VPS35L: variants seen among roughly 807,000 people sequenced by gnomAD.
The protein encoded by VPS35L is VPS35 endosomal protein-sorting factor-like.
A neutral mutation model predicts 133.0 loss-of-function variants in VPS35L; 83 were observed. The observed-to-expected ratio is 0.62, with a 90% CI of 0.52 to 0.75. The LOEUF is 0.75. VPS35L is among the 30% of genes least tolerant of loss of function. VPS35L has a pLI of 0.00. For missense variants in VPS35L, 1,083 were observed against 1,206.8 expected (o/e 0.90, Z 1.52); for synonymous variants, 423 against 449.9 (o/e 0.94, Z 0.76).
chr16:19,621,363 C>T (rs1172738845), intron 14 of VPS35L, among the ~76,000 whole-genome samples: 1 of 152,088 alleles, frequency 6.6e-6, no homozygotes, highest in Non-Finnish European at 1.5e-5. Context: ...TGATGCATGT[C>T]GATGTTGTTG....
rs866211148 is a variant in VPS35L at position 19,602,954 on chromosome 16, G to A, written c.784+1231G>A. Among the ~76,000 whole-genome samples, 10 of 151,056 alleles carry A rather than the reference G, an allele frequency of 6.6e-5. No individual in the cohort carries two copies. The Middle Eastern group carries it at 0.02, about 308-fold the overall frequency. On this transcript the variant is annotated intron_variant, in intron 9 of 30. Transcript: ENST00000417362. ...TTTACTTTTTCATCTTTGTAGACACGGGGTCTCCCTATGTTGCCCAAGCTG... is the reference window on the plus strand; with the variant it reads ...TTTACTTTTTCATCTTTGTAGACACAGGGTCTCCCTATGTTGCCCAAGCTG...
intron 3 of VPS35L, 78 bp from the exon 4 acceptor site, chr16:19,573,041 T>A (rs1027190422): frequency 6.9e-7 from 1 of 1,454,930 alleles, no homozygotes; most frequent in Non-Finnish European, 9.3e-7. Flanking sequence ...AAGGACTATC[T>A]GGCTTCTATT....
Position 19,601,732 on chromosome 16 carries a change from G to A in VPS35L, c.784+9G>A, listed in dbSNP as rs755207943. On this transcript the variant is annotated intron_variant, in intron 9 of 30. Transcript: ENST00000417362. ...CCGCAGCGTCTTACCAGGTAATGTCGCAGCTGTTCCTGGGGTGTCATTCTG... is the reference window on the plus strand; with the variant it reads ...CCGCAGCGTCTTACCAGGTAATGTCACAGCTGTTCCTGGGGTGTCATTCTG... 1.2e-5 allele frequency: 19 copies of A among 1,613,898 alleles called. No homozygotes were observed. Among genetic ancestry groups the A allele is most frequent in the Middle Eastern group, 1.7e-4 (1 of 6,060 alleles).
At chr16:19,653,460 G>A (rs1974199205) in intron 26 of VPS35L, among the ~76,000 whole-genome samples, 1 of 152,218 alleles carries the variant, frequency 6.6e-6, no homozygotes, top group Non-Finnish European at 1.5e-5. Context: ...TATTACCCAG[G>A]TGAGTAAACT....
intron 27 of VPS35L, among the ~76,000 whole-genome samples, chr16:19,675,977 C>G (rs1018475531): frequency 6.6e-6 from 1 of 152,112 alleles, no homozygotes; most frequent in Non-Finnish European, 1.5e-5. Flanking sequence ...AACTACCAGG[C>G]ACGGCTGCTC....
Position 19,594,662 on chromosome 16 carries a change from A to G in VPS35L, c.724+2788A>G, listed in dbSNP as rs1188861637. On this transcript the variant is annotated intron_variant, in intron 8 of 30. Coordinates refer to ENST00000417362, the MANE Select transcript of VPS35L (RefSeq NM_020314.7). ...TTCGTCTCAAAAAAAAAAAAAAAAAAAAAAAAAAAGAAGAGAAAAAAAATC... is the reference window on the plus strand; with the variant it reads ...TTCGTCTCAAAAAAAAAAAAAAAAAGAAAAAAAAAGAAGAGAAAAAAAATC... 2.4e-4 allele frequency among the ~76,000 whole-genome samples: 36 copies of G among 149,880 alleles called. 1 individual carries two copies. In the East Asian group the frequency reaches 6.5e-3, roughly 27 times the overall value.
intron 3 of VPS35L, among the ~76,000 whole-genome samples, chr16:19,570,871 ATATATATATATATATATATT>A (rs1183820330): frequency 8.1e-4 from 45 of 55,488 alleles, no homozygotes; most frequent in African/African-American, 5.7e-3. Flanking sequence ...ATATATATAT[ATATATATATATATATATATT>A]TTTGAGATGA....
intron 9 of VPS35L, among the ~76,000 whole-genome samples, chr16:19,604,630 G>A (rs142058557): frequency 0.012 from 1,899 of 152,298 alleles, 17 homozygotes; most frequent in South Asian, 0.062. Context: ...TCTGAGGAAT[G>A]ACTCTTAAGT....
intron 23 of VPS35L, among the ~76,000 whole-genome samples, chr16:19,645,194 A>AT (rs1491343344): frequency 2.6e-5 from 4 of 151,906 alleles, no homozygotes; most frequent in African/African-American, 9.7e-5. Context: ...TTCTTGGCTC[A>AT]TGTGACAAAA....
chr16:19,683,778 T>C (rs977261610), intron 28 of VPS35L, among the ~76,000 whole-genome samples: 17 of 152,264 alleles, frequency 1.1e-4, no homozygotes, highest in Non-Finnish European at 1.9e-4. Context: ...GCATGTGTCC[T>C]TTCAGTAGAA....
intron 29 of VPS35L, among the ~76,000 whole-genome samples, chr16:19,692,262 A>G (rs1975719523): frequency 6.6e-6 from 1 of 151,912 alleles, no homozygotes; most frequent in Non-Finnish European, 1.5e-5. Context: ...GCACCACCCC[A>G]CGTCTCATGC....
At chr16:19,620,395 C>T (rs1973038633) in intron 14 of VPS35L, among the ~76,000 whole-genome samples, 1 of 152,084 alleles carries the variant, frequency 6.6e-6, no homozygotes, top group African/African-American at 2.4e-5. Context: ...TTGTGTTATA[C>T]TAGTGTCAGT....
At chr16:19,643,951 T>C (rs994000435) in intron 22 of VPS35L, among the ~76,000 whole-genome samples, 1 of 151,972 alleles carries the variant, frequency 6.6e-6, no homozygotes, top group East Asian at 1.9e-4. Flanking sequence ...AGAGCGAAAC[T>C]CCATCTCAAA....
At chr16:19,575,861 A>AT (rs1232349130) in intron 5 of VPS35L, among the ~76,000 whole-genome samples, 10 of 144,136 alleles carry the variant, frequency 6.9e-5, no homozygotes, top group Non-Finnish European at 1.5e-4. Context: ...GTATTAAAAA[A>AT]ATATATATAT....
At chr16:19,556,479 G>A (rs367559097) in intron 1 of VPS35L, among the ~76,000 whole-genome samples, 4 of 152,318 alleles carry the variant, frequency 2.6e-5, no homozygotes, top group African/African-American at 9.6e-5. Flanking sequence ...AGGAATGAGT[G>A]ACTGAAGCTT....
At chr16:19,594,644 CAAAAAAAAAAAAAAAAAAAAA>C (rs57187565) in intron 8 of VPS35L, among the ~76,000 whole-genome samples, 1 of 31,494 alleles carries the variant, frequency 3.2e-5, no homozygotes, top group African/African-American at 1.1e-4. Flanking sequence ...GATTTCGTCT[CAAAAAAAAAAAAAAAAAAAAA>C]AAAAAAGAAG....
intron 1 of VPS35L, among the ~76,000 whole-genome samples, chr16:19,557,589 G>A (rs562993288): frequency 1.3e-5 from 2 of 152,040 alleles, no homozygotes; most frequent in Admixed American, 1.3e-4. Context: ...CATCATGTTG[G>A]CCAGGCTGGT....
chr16:19,586,092 G>T (rs1022205609), intron 7 of VPS35L, among the ~76,000 whole-genome samples: 1 of 151,988 alleles, frequency 6.6e-6, no homozygotes, highest in Non-Finnish European at 1.5e-5. Flanking sequence ...GAAACGGAGG[G>T]TTTTACTTTG....
In VPS35L at chr16:19,582,948, A is replaced by T. The variant is rs111800392; in HGVS notation, c.639+1295A>T. On this transcript the variant is annotated intron_variant, in intron 7 of 30. Transcript: ENST00000417362. ...GTTGGGAGGCTGAGGCGGGTGGATC[A>T]CTTGAGTCCAGGAGTTTGAGACCAG... 5.9e-3 allele frequency among the ~76,000 whole-genome samples: 901 copies of T among 152,114 alleles called. 9 individuals carry two copies. The highest frequency in any genetic ancestry group is 0.02 in the African/African-American group (837 of 41,478).
Sources: gnomAD v4.1 joint callset for allele counts (sites outside exome capture counted in the v4.1 genomes callset) on GRCh38, gnomAD v4.1.1 for gene constraint, MANE v1.5 for transcripts, NCBI Gene and HGNC (gene_info 2026-07-23, HGNC 2026-07-21) for gene names.